Variants in DNA2 observed in about 807,000 individuals in gnomAD.
The protein encoded by DNA2 is DNA replication ATP-dependent helicase/nuclease DNA2.
Under a neutral mutation model 119.1 loss-of-function variants are expected in DNA2, and 101 were observed. That is an observed-to-expected ratio of 0.85 (90% CI 0.72 to 1.00). The LOEUF (loss-of-function observed/expected upper bound fraction) is 1.00, where lower values mean the gene tolerates loss of function less well. Among genes scored for constraint, DNA2 ranks in the 50% least tolerant of loss-of-function variants. DNA2 has a pLI of 0.00. For synonymous variants in DNA2, 366 were observed against 424.4 expected (o/e 0.86, Z 1.69); for missense variants, 1,121 against 1,255.5 (o/e 0.89, Z 1.62).
intron 2 of DNA2, among the ~76,000 whole-genome samples, chr10:68,469,261 G>A (rs1050276045): frequency 5.5e-5 from 8 of 145,966 alleles, no homozygotes; most frequent in African/African-American, 2.0e-4. Context: ...AATGTACTGG[G>A]AAGGCCGGGC....
intron 9 of DNA2, among the ~76,000 whole-genome samples, chr10:68,438,519 C>A (rs1342812064): frequency 5.0e-4 from 68 of 136,664 alleles, no homozygotes; most frequent in African/African-American, 9.6e-4. Flanking sequence ...AACTCCGTCT[C>A]AAAAAAAAGA....
chr10:68,445,803 A>G (rs189916443), intron 7 of DNA2, among the ~76,000 whole-genome samples: 3,831 of 145,980 alleles, frequency 0.026, 157 homozygotes, highest in African/African-American at 0.088. Context: ...GTTTTCAACT[A>G]TAGAGTATAT....
At chr10:68,418,919 C>A (rs1277512763) in intron 19 of DNA2, 115 bp downstream of exon 19, 4 of 842,066 alleles carry the variant, frequency 4.8e-6, no homozygotes, top group Non-Finnish European at 5.3e-6. Flanking sequence ...GTGATCCACC[C>A]GCCTTGGCCT....
At chr10:68,418,936 G>A (rs2051629229) in intron 19 of DNA2, 98 bp downstream of exon 19, 2 of 1,111,250 alleles carry the variant, frequency 1.8e-6, no homozygotes, top group African/African-American at 3.2e-5. Flanking sequence ...GCCTCCCAGG[G>A]GGCTGGGATT....
intron 3 of DNA2, among the ~76,000 whole-genome samples, chr10:68,466,667 C>T (rs1468178876): frequency 6.6e-6 from 1 of 151,694 alleles, no homozygotes; most frequent in Non-Finnish European, 1.5e-5. Flanking sequence ...CAAGCTCCGC[C>T]TCCCAGGTTC....
chr10:68,446,813 T>C lies in DNA2; in HGVS notation c.940-400A>G, dbSNP rs576139628. ...AAACAATTGAATTCATGGAGACAGA[T>C]AGTAGAAGGTTGGTTACCAGAGGCT... On this transcript the variant is annotated intron_variant, in intron 6 of 20. Transcript: ENST00000358410. Among the ~76,000 whole-genome samples the C allele has an allele frequency of 3.3e-5, 5 of 151,944 alleles. No homozygotes were observed. The East Asian group carries it at 5.8e-4, about 18-fold the overall frequency.
intron 14 of DNA2, among the ~76,000 whole-genome samples, chr10:68,429,882 A>AAT (rs2051796387): frequency 8.1e-6 from 1 of 123,648 alleles, no homozygotes; most frequent in Non-Finnish European, 1.6e-5. Context: ...AAAAACCCGG[A>AAT]TTTTTTTTTT....
intron 9 of DNA2, among the ~76,000 whole-genome samples, chr10:68,437,484 A>T (rs961787287): frequency 4.1e-5 from 6 of 145,926 alleles, no homozygotes; most frequent in Non-Finnish European, 7.4e-5. Context: ...TAAAAAAAAA[A>T]AAATAAAAAT....
chr10:68,441,002 A>G (rs1443049569), intron 9 of DNA2, among the ~76,000 whole-genome samples: 2 of 152,128 alleles, frequency 1.3e-5, no homozygotes, highest in African/African-American at 2.4e-5. Flanking sequence ...GCAACATAGC[A>G]AGACCCTGTT....
At chr10:68,441,654 T>C (rs1240101376) in intron 9 of DNA2, among the ~76,000 whole-genome samples, 1 of 152,006 alleles carries the variant, frequency 6.6e-6, no homozygotes, top group East Asian at 2.0e-4. Flanking sequence ...CAGGCGCCTG[T>C]AATCCCAGCT....
chr10:68,450,295 A>T, intron 5 of DNA2, 48 bp from the exon 6 acceptor site: 1 of 1,378,248 alleles, frequency 7.3e-7, no homozygotes, highest in African/African-American at 1.4e-5. Flanking sequence ...CTCTTAGCTC[A>T]TTTCACATCT....
In DNA2 at chr10:68,422,357, A is replaced by T. The variant is rs757461455; in HGVS notation, c.2565T>A (p.Asn855Lys). ...KLECGSDKVA[N>K]AVINLRHFKD... Reference sequence around the variant, plus strand: ...TAAAGTGACGTAGGTTTATCACTGCATTGGCCACTTTGTCTGATCCACACT... The same window carrying T: ...TAAAGTGACGTAGGTTTATCACTGCTTTGGCCACTTTGTCTGATCCACACT... The change falls in exon 17 of 21, where the codon AAT becomes AAA. Residue 855 changes from asparagine (N) to lysine (K), a missense_variant. Asn to Lys is a moderately conservative substitution (Grantham distance 94). Transcript: ENST00000358410. The T allele has an allele frequency of 1.1e-5, 18 of 1,613,824 alleles. No individual in the cohort carries two copies. Among genetic ancestry groups the T allele is most frequent in the Non-Finnish European group, 1.4e-5 (17 of 1,179,886 alleles).
rs1243013178 is a variant in DNA2 at position 68,446,419 on chromosome 10, CA to C, written c.940-7del. 4.0e-6 allele frequency: 6 copies of C among 1,518,374 alleles called. No homozygotes were observed. The highest frequency in any genetic ancestry group is 5.4e-6 in the Non-Finnish European group (6 of 1,116,808). 94.1% of individuals were successfully genotyped at this position (1,518,374 alleles called of 1,614,324 possible). A position where few individuals can be genotyped will look rare whatever the true frequency, so the allele number is the denominator to read the frequency against. ...AGTAGAGTGTACAGAACAACCTGTGCAAACATTGACATTTGCTCAAACAAAA... is the reference window on the plus strand; with the variant it reads ...AGTAGAGTGTACAGAACAACCTGTGCAACATTGACATTTGCTCAAACAAAA... On this transcript the variant is annotated splice_region_variant and splice_polypyrimidine_tract_variant and intron_variant, in intron 6 of 20. Coordinates refer to ENST00000358410, the MANE Select transcript of DNA2 (RefSeq NM_001080449.3).
At chr10:68,417,023 C>T (rs2051597751) in intron 19 of DNA2, among the ~76,000 whole-genome samples, 168 bp from the exon 20 acceptor site, 1 of 152,130 alleles carries the variant, frequency 6.6e-6, no homozygotes, top group African/African-American at 2.4e-5. Flanking sequence ...GCAGGTGGAT[C>T]ACTGGAGACC....
At chr10:68,453,687 C>T (rs1471537976) in intron 5 of DNA2, among the ~76,000 whole-genome samples, 4 of 152,054 alleles carry the variant, frequency 2.6e-5, no homozygotes, top group Non-Finnish European at 4.4e-5. Flanking sequence ...AAATACTTAC[C>T]GTTGTTACAA....
At chr10:68,419,309 T>A in intron 18 of DNA2, 96 bp from the exon 19 acceptor site, 1 of 974,558 alleles carries the variant, frequency 1.0e-6, no homozygotes, top group Non-Finnish European at 1.4e-6. Context: ...TGTGCCCAAC[T>A]GATGTTTATA....
At chr10:68,471,733 C>G in intron 1 of DNA2, 58 bp downstream of exon 1, 1 of 1,501,068 alleles carries the variant, frequency 6.7e-7, no homozygotes, top group Non-Finnish European at 8.9e-7. Context: ...GCAGCCTCTC[C>G]CGCTCCTTCT....
At position 68,431,878 on chromosome 10, in the gene DNA2, G is replaced by A. The variant is rs777761639; in HGVS notation, c.1967C>T (p.Thr656Ile). The change falls in exon 13 of 21, where the codon ACT (threonine) becomes ATT (isoleucine). Residue 656 changes from threonine to isoleucine, a missense_variant. Thr to Ile is a moderately conservative substitution (Grantham distance 89). Coordinates refer to ENST00000358410, the MANE Select transcript of DNA2 (RefSeq NM_001080449.3). Reference protein sequence around the residue: ...IVGMPGTGKTTTICTLVRILY... With the variant: ...IVGMPGTGKTITICTLVRILY... ...TAACCTTACGAGAGTACATATCGTA[G>A]TTGTTTTTCCTGTCCCAGGCATACC... 16 of 1,611,166 alleles carry A rather than the reference G, an allele frequency of 9.9e-6. No homozygotes were observed. In the South Asian group the frequency reaches 1.8e-4, roughly 18 times the overall value.
At chr10:68,420,070 C>T (rs1280356297) in intron 17 of DNA2, among the ~76,000 whole-genome samples, 178 bp from the exon 18 acceptor site, 1 of 152,188 alleles carries the variant, frequency 6.6e-6, no homozygotes, top group African/African-American at 2.4e-5. Flanking sequence ...CAGAAAGCCA[C>T]GCAGAGGCCA....
Sources: gnomAD v4.1 joint callset for allele counts (sites outside exome capture counted in the v4.1 genomes callset) on GRCh38, gnomAD v4.1.1 for gene constraint, MANE v1.5 for transcripts, NCBI Gene and HGNC (gene_info 2026-07-23, HGNC 2026-07-21) for gene names.